The following ABLIM1 variants were observed in gnomAD, a reference collection of about 807,000 sequenced individuals.
ABLIM1 encodes actin binding LIM protein 1.
Under a neutral mutation model 107.0 loss-of-function variants are expected in ABLIM1, and 40 were observed. The ratio of observed to expected loss-of-function variants is 0.37; its 90% CI spans 0.29 to 0.49. ABLIM1 has a LOEUF of 0.49. Ranked by LOEUF, ABLIM1 falls within the 20% of genes least tolerant of loss-of-function variation. The pLI is 0.97. For synonymous variants in ABLIM1, 357 were observed against 357.3 expected, an observed-to-expected ratio of 1.00 and a Z score of 0.01; for missense variants, 857 against 1,008.5, an observed-to-expected ratio of 0.85 and a Z score of 2.04.
chr10:114,718,158 AAAAG>A (rs1255883866), intron 1 of ABLIM1, among the ~76,000 whole-genome samples: 34 of 152,048 alleles, frequency 2.2e-4, no homozygotes, highest in African/African-American at 6.8e-4. Flanking sequence ...GAAAAAAAGA[AAAAG>A]AAAGAAAGGC....
intron 18 of ABLIM1, among the ~76,000 whole-genome samples, chr10:114,441,319 GCA>G (rs2060165140): frequency 6.6e-6 from 1 of 152,084 alleles, no homozygotes; most frequent in African/African-American, 2.4e-5. Context: ...AAATAAAAAT[GCA>G]TTGTCCTACA....
chr10:114,438,920 G>A (rs2059800371), intron 21 of ABLIM1, among the ~76,000 whole-genome samples: 1 of 152,218 alleles, frequency 6.6e-6, no homozygotes, highest in South Asian at 2.1e-4. Flanking sequence ...ACATGGCAGA[G>A]GCCAAGGGAA....
chr10:114,750,959 G>A (rs1391838268), intron 1 of ABLIM1, among the ~76,000 whole-genome samples: 1 of 152,190 alleles, frequency 6.6e-6, no homozygotes, highest in Non-Finnish European at 1.5e-5. Context: ...GGATTCTGAA[G>A]ACTGAAGTGC....
intron 6 of ABLIM1, among the ~76,000 whole-genome samples, chr10:114,535,178 C>T (rs946318543): frequency 1.3e-5 from 2 of 152,184 alleles, no homozygotes; most frequent in Non-Finnish European, 2.9e-5. Context: ...GTCGACTTTC[C>T]CAGCACTGGA....
Position 114,707,438 on chromosome 10 carries a change from G to T in ABLIM1, c.-213+60623C>A, listed in dbSNP as rs1323243256. On this transcript the variant is annotated intron_variant, in intron 1 of 15. Coordinates refer to the ABLIM1 transcript ENST00000651092. This position sits in a 1 kb window ranked among gnomAD's most constrained non-coding sequence, Gnocchi z 4.1. The stretch of plus-strand genomic sequence containing the variant: ...AGTAGAGACGAAGTTCACCATGTTG[G>T]CCAGGCTGGTCTTGAATTCCTGACC... Among the ~76,000 whole-genome samples, 4 of 152,082 alleles carry T rather than the reference G, an allele frequency of 2.6e-5. No homozygotes were observed. The highest frequency in any genetic ancestry group is 2.1e-4 in the South Asian group (1 of 4,810).
At chr10:114,489,002 G>A (rs539725852) in intron 7 of ABLIM1, among the ~76,000 whole-genome samples, 9 of 152,184 alleles carry the variant, frequency 5.9e-5, no homozygotes, top group African/African-American at 2.2e-4. Flanking sequence ...CACATTTCAT[G>A]ACTTAAATCT....
At chr10:114,591,613 T>C (rs1393971324) in intron 2 of ABLIM1, among the ~76,000 whole-genome samples, 1 of 152,090 alleles carries the variant, frequency 6.6e-6, no homozygotes, top group African/African-American at 2.4e-5. Flanking sequence ...ATGCTGCGTC[T>C]GGGAACCGCA....
chr10:114,626,536 C>T (rs559788537), intron 1 of ABLIM1, among the ~76,000 whole-genome samples: 4 of 152,168 alleles, frequency 2.6e-5, no homozygotes, highest in Non-Finnish European at 2.9e-5. Flanking sequence ...TAAAACTGAG[C>T]TCATCTCCTT....
At chr10:114,623,225 C>T (rs1408109294) in intron 1 of ABLIM1, among the ~76,000 whole-genome samples, 3 of 152,228 alleles carry the variant, frequency 2.0e-5, no homozygotes, top group African/African-American at 7.2e-5. Context: ...AGGAGTGATG[C>T]CTGCAGAATA....
intron 1 of ABLIM1, among the ~76,000 whole-genome samples, chr10:114,760,799 T>C (rs936038948): frequency 1.7e-4 from 26 of 152,358 alleles, no homozygotes; most frequent in African/African-American, 4.8e-4. Context: ...ATGTGAGATA[T>C]TGATGTCCAA....
intron 1 of ABLIM1, among the ~76,000 whole-genome samples, chr10:114,760,073 A>G (rs1442730356): frequency 1.3e-5 from 2 of 152,158 alleles, no homozygotes; most frequent in Non-Finnish European, 2.9e-5. Context: ...CTATTTGTTA[A>G]ATGACTACAT....
At chr10:114,782,165 T>G in the ABLIM1 span, among the ~76,000 whole-genome samples, 1 of 152,104 alleles carries the variant, frequency 6.6e-6, no homozygotes, top group African/African-American at 2.4e-5. Flanking sequence ...ATAAATTAAA[T>G]TAAAGTGAAA....
At chr10:114,570,954 C>T (rs995995276) in intron 4 of ABLIM1, among the ~76,000 whole-genome samples, 3 of 152,118 alleles carry the variant, frequency 2.0e-5, no homozygotes, top group Non-Finnish European at 4.4e-5. Context: ...ATGATGCCTA[C>T]GTCAAGAATC....
At chr10:114,664,878 G>C (rs1448379412) in intron 1 of ABLIM1, among the ~76,000 whole-genome samples, 2 of 151,238 alleles carry the variant, frequency 1.3e-5, no homozygotes, top group African/African-American at 2.4e-5. Context: ...CCACACTTTG[G>C]GAGGCCGAGG....
chr10:114,505,875 T>C (rs1435691959), intron 6 of ABLIM1, among the ~76,000 whole-genome samples: 2 of 152,230 alleles, frequency 1.3e-5, no homozygotes, highest in Non-Finnish European at 2.9e-5. Flanking sequence ...CTCTTGACTT[T>C]TATTTTAGGT....
chr10:114,679,522 C>T (rs1185992344), intron 1 of ABLIM1, among the ~76,000 whole-genome samples: 1 of 151,258 alleles, frequency 6.6e-6, no homozygotes, highest in Admixed American at 6.6e-5. Context: ...GTGGTCCCAG[C>T]TACTCAGGAG....
At chr10:114,621,876 G>A (rs909213819) in intron 1 of ABLIM1, among the ~76,000 whole-genome samples, 8 of 152,216 alleles carry the variant, frequency 5.3e-5, no homozygotes, top group Admixed American at 3.3e-4. Flanking sequence ...CTATTTCTGA[G>A]TTTTAGGCTA....
intron 14 of ABLIM1, among the ~76,000 whole-genome samples, chr10:114,449,877 G>A (rs762652284): frequency 1.3e-5 from 2 of 152,170 alleles, no homozygotes; most frequent in African/African-American, 2.4e-5. Context: ...GGAAAGCGCT[G>A]CTCTGGCTGG....
intron 8 of ABLIM1, among the ~76,000 whole-genome samples, chr10:114,480,789 C>A (rs2057244527): frequency 6.6e-6 from 1 of 152,154 alleles, no homozygotes; most frequent in African/African-American, 2.4e-5. Context: ...CTATAGTTAT[C>A]TCCCCAGCAC....
Sources: allele counts gnomAD v4.1 joint callset (sites outside exome capture counted in the v4.1 genomes callset), GRCh38; gene constraint gnomAD v4.1.1; non-coding constraint Gnocchi (gnomAD v3.1); transcripts MANE v1.5; gene names NCBI Gene and HGNC (gene_info 2026-07-23, HGNC 2026-07-21).